The following DCUN1D4 variants were observed in gnomAD, a reference collection of about 807,000 sequenced individuals.
DCUN1D4 encodes the protein DCN1-like protein 4.
Under a neutral mutation model 47.9 loss-of-function variants are expected in DCUN1D4, and 22 were observed. The ratio of observed to expected loss-of-function variants is 0.46; its 90% CI spans 0.33 to 0.66. The LOEUF is 0.66. DCUN1D4 is among the 30% of genes least tolerant of loss of function. The pLI, the probability that DCUN1D4 is intolerant of heterozygous loss-of-function variation, is 0.02. For synonymous variants in DCUN1D4, 121 were observed against 112.2 expected (o/e 1.08, Z -0.50); for missense variants, 301 against 340.8 (o/e 0.88, Z 0.92).
chr4:51,875,581 GTA>G, intron 4 of DCUN1D4, among the ~76,000 whole-genome samples: 1 of 152,094 alleles, frequency 6.6e-6, no homozygotes, highest in Admixed American at 6.5e-5. Context: ...TAACTGAGTT[GTA>G]CACACCATCA....
intron 1 of DCUN1D4, chr4:51,843,743 G>T: frequency 8.3e-7 from 1 of 1,202,880 alleles, no homozygotes; most frequent in Middle Eastern, 3.2e-4. Flanking sequence ...AGAAAGGCGG[G>T]TGAGTGCGAG....
At chr4:51,904,865 G>T (rs928185199) in intron 8 of DCUN1D4, among the ~76,000 whole-genome samples, 1 of 152,210 alleles carries the variant, frequency 6.6e-6, no homozygotes, top group Non-Finnish European at 1.5e-5. Flanking sequence ...TTAACCAGCA[G>T]TGGACCTTTT....
the DCUN1D4 span, among the ~76,000 whole-genome samples, chr4:51,836,325 C>G: frequency 3.3e-5 from 5 of 152,092 alleles, no homozygotes; most frequent in African/African-American, 1.2e-4. Flanking sequence ...CCTGTCTTAG[C>G]TGAGGCAGTG....
At chr4:51,844,905 C>G in intron 1 of DCUN1D4, 2 of 985,552 alleles carry the variant, frequency 2.0e-6, no homozygotes, top group Non-Finnish European at 2.4e-6. Flanking sequence ...GCTTTATTCC[C>G]CGGCCAGCTC....
chr4:51,874,286 G>A lies in DCUN1D4; in HGVS notation c.152G>A (p.Cys51Tyr), dbSNP rs946255346. The change falls in exon 4 of 11, where the codon TGC (cysteine) becomes TAC (tyrosine). Residue 51 changes from cysteine (C) to tyrosine (Y), a missense_variant. Coordinates refer to ENST00000334635, the MANE Select transcript of DCUN1D4 (RefSeq NM_001040402.3). ...TGTTTTGTAGGAAGTCTGCGGTCTTGCAGTTCTTCAGACTGCTTTAATAAA... is the reference window on the plus strand; with the variant it reads ...TGTTTTGTAGGAAGTCTGCGGTCTTACAGTTCTTCAGACTGCTTTAATAAA... ...DDHQTGSLRS[C>Y]SSSDCFNKVM... The A allele has an allele frequency of 4.3e-5, 70 of 1,611,432 alleles. No individual in the cohort carries two copies. The highest frequency in any genetic ancestry group is 5.4e-5 in the Non-Finnish European group (64 of 1,179,190).
intron 8 of DCUN1D4, among the ~76,000 whole-genome samples, chr4:51,901,414 G>C (rs764230412): frequency 2.6e-5 from 4 of 152,160 alleles, no homozygotes; most frequent in African/African-American, 7.2e-5. Context: ...GGTTACTCCA[G>C]ACCCTCACAA....
intron 8 of DCUN1D4, chr4:51,909,291 G>A (rs975758572): frequency 4.2e-5 from 11 of 263,226 alleles, no homozygotes; most frequent in East Asian, 9.7e-5. Flanking sequence ...CTTCCAGAGC[G>A]CCAGTGTTGT....
At chr4:51,891,929 G>A (rs1730492791) in intron 7 of DCUN1D4, 78 bp downstream of exon 7, 1 of 1,100,188 alleles carries the variant, frequency 9.1e-7, no homozygotes, top group Non-Finnish European at 1.3e-6. Context: ...ACTTCAGGAG[G>A]TGATTGAGTG....
chr4:51,873,362 T>A (rs1727197394), intron 3 of DCUN1D4, among the ~76,000 whole-genome samples: 1 of 152,210 alleles, frequency 6.6e-6, no homozygotes, highest in Non-Finnish European at 1.5e-5. Flanking sequence ...TGACATAATA[T>A]ATTTGAGGGC....
Position 51,903,801 on chromosome 4 carries a change from A to G in DCUN1D4, c.615+4423A>G, listed in dbSNP as rs114846971. Among the ~76,000 whole-genome samples, 819 of 152,186 alleles carry G rather than the reference A, an allele frequency of 5.4e-3. 6 individuals are homozygous for G. Among genetic ancestry groups the G allele is most frequent in the African/African-American group, 0.018 (765 of 41,528 alleles). Reference sequence around the variant, plus strand: ...AACCAGTATATTTTTCATTTCAGATACTATATTTTTCATCTTTAAAAGTTC... The same window carrying G: ...AACCAGTATATTTTTCATTTCAGATGCTATATTTTTCATCTTTAAAAGTTC... On this transcript the variant is annotated intron_variant, in intron 8 of 10. Transcript: ENST00000334635.
chr4:51,839,847 TACAGTGGGCTTAGC>T, upstream of DCUN1D4, among the ~76,000 whole-genome samples: 1 of 152,364 alleles, frequency 6.6e-6, no homozygotes, highest in South Asian at 2.1e-4. Context: ...AAAAGCATGC[TACAGTGGGCTTAGC>T]AGAATTTAGG....
intron 1 of DCUN1D4, among the ~76,000 whole-genome samples, chr4:51,854,185 T>A (rs1723788649): frequency 6.6e-6 from 1 of 152,228 alleles, no homozygotes. Flanking sequence ...AACTGAGACC[T>A]GTGCCATGTC....
rs1482231694 is a variant in DCUN1D4, at chr4:51,916,724, C to T, written c.*3140C>T. 2 of 152,534 alleles carry T rather than the reference C, an allele frequency of 1.3e-5. No homozygotes were observed. Among genetic ancestry groups the T allele is most frequent in the Non-Finnish European group, 2.9e-5 (2 of 67,998 alleles). The allele number at this position is 152,534 out of a possible 1,614,324, so 9.4% of individuals were successfully genotyped here. A position where few individuals can be genotyped will look rare whatever the true frequency, so the allele number is the denominator to read the frequency against. On this transcript the variant is annotated 3_prime_UTR_variant, in exon 11 of 11. Coordinates refer to ENST00000334635, the MANE Select transcript of DCUN1D4 (RefSeq NM_001040402.3). Reference sequence around the variant, plus strand: ...GCAAGTCCTGTGACTCCCAGCTTAACTGAAATACTGTTATGCCACCTAACT... The same window carrying T: ...GCAAGTCCTGTGACTCCCAGCTTAATTGAAATACTGTTATGCCACCTAACT...
intron 1 of DCUN1D4, among the ~76,000 whole-genome samples, chr4:51,857,501 A>G (rs559624640): frequency 7.9e-5 from 12 of 152,176 alleles, no homozygotes; most frequent in Non-Finnish European, 1.6e-4. Context: ...ACTTCCCACC[A>G]ATGTTTTCCT....
At chr4:51,906,014 C>T (rs553405384) in intron 8 of DCUN1D4, among the ~76,000 whole-genome samples, 3 of 151,922 alleles carry the variant, frequency 2.0e-5, no homozygotes, top group East Asian at 3.9e-4. Context: ...AGAAGGGGAA[C>T]GAGTGAAAGG....
At chr4:51,909,845 A>C (rs920178968) in intron 8 of DCUN1D4, among the ~76,000 whole-genome samples, 5 of 152,238 alleles carry the variant, frequency 3.3e-5, no homozygotes, top group Admixed American at 6.5e-5. Flanking sequence ...TTCCTTAGGC[A>C]ACAAGTTTCC....
chr4:51,834,079 TCTC>T, the DCUN1D4 span, among the ~76,000 whole-genome samples: 9 of 127,608 alleles, frequency 7.1e-5, no homozygotes, highest in South Asian at 2.6e-4. Flanking sequence ...TCTCTCTCTC[TCTC>T]TCTCTTTTCT....
intron 3 of DCUN1D4, among the ~76,000 whole-genome samples, chr4:51,869,989 T>A (rs1472247157): frequency 6.6e-6 from 1 of 152,184 alleles, no homozygotes; most frequent in Non-Finnish European, 1.5e-5. Context: ...TTCCTAAGTG[T>A]CATGTAAACA....
intron 8 of DCUN1D4, chr4:51,908,867 T>C: frequency 2.2e-6 from 1 of 455,908 alleles, no homozygotes; most frequent in Non-Finnish European, 4.4e-6. Context: ...ATCAGTGAGA[T>C]GCCACTATTC....
Sources: gnomAD v4.1 joint callset for allele counts (sites outside exome capture counted in the v4.1 genomes callset) on GRCh38, gnomAD v4.1.1 for gene constraint, MANE v1.5 for transcripts, NCBI Gene and HGNC (gene_info 2026-07-23, HGNC 2026-07-21) for gene names.